The following C1R variants were observed in gnomAD, a reference collection of about 807,000 sequenced individuals.
C1R encodes the protein complement C1r subcomponent.
Under a neutral mutation model 27.6 loss-of-function variants are expected in C1R, and 15 were observed. The observed-to-expected ratio is 0.54, with a 90% CI of 0.36 to 0.84. The LOEUF (loss-of-function observed/expected upper bound fraction) is 0.84. C1R is among the 40% of genes least tolerant of loss of function. C1R has a pLI of 0.01. For synonymous variants in C1R, 253 were observed against 228.8 expected, an observed-to-expected ratio of 1.11 and a Z score of -0.95; for missense variants, 544 against 577.9, an observed-to-expected ratio of 0.94 and a Z score of 0.60.
rs938868013 is a variant in C1R, at chr12:7,089,046, G to A, written c.769-60C>T. 80 of 668,046 alleles carry A rather than the reference G, an allele frequency of 1.2e-4. No individual in the cohort carries two copies. The African/African-American group carries it at 1.3e-3, about 11-fold the overall frequency. The allele number at this position is 668,046 out of a possible 1,614,324, so 41.4% of individuals were successfully genotyped here. On this transcript the variant is annotated intron_variant, in intron 5 of 10. Coordinates refer to ENST00000647956, the MANE Select transcript of C1R (RefSeq NM_001733.7). Reference sequence around the variant, plus strand: ...GGACGTTTTTACACAGGGCCAACTGGGTAGTAGCCTGGTGGCCAGGGTGGT... The same window carrying A: ...GGACGTTTTTACACAGGGCCAACTGAGTAGTAGCCTGGTGGCCAGGGTGGT...
chr12:7,082,592 A>G (rs1399390910), intron 9 of C1R, among the ~76,000 whole-genome samples: 3 of 152,124 alleles, frequency 2.0e-5, no homozygotes, highest in Admixed American at 6.5e-5. Flanking sequence ...CGGTCTCCCA[A>G]AGTGCTGGGA....
At position 7,080,694 on chromosome 12, in the gene C1R, C is replaced by T. The variant is rs755442274; in HGVS notation, c.1956G>A (p.Gly652=). 3 of 1,613,968 alleles carry T rather than the reference C, an allele frequency of 1.9e-6. No individual in the cohort carries two copies. In the South Asian group the frequency reaches 3.3e-5, roughly 18 times the overall value. The change falls in exon 11 of 11, where the codon GGG becomes GGA. Residue 652 remains glycine (G), a synonymous_variant. Transcript: ENST00000647956. This position sits in a 1 kb window ranked among gnomAD's most constrained non-coding sequence, Gnocchi z 4.9. ...HPSLKQDACQ[G]DSGGVFAVRD... ...TTACTGCAAAAACGCCCCCACTATC[C>T]CCCTGGCAGGCGTCCTGCTTTAGAG...
At position 7,089,588 on chromosome 12, in the gene C1R, C is replaced by G. The variant is rs1170978607; in HGVS notation, c.570G>C (p.Gln190His). The G allele has an allele frequency of 1.3e-6, 1 of 780,928 alleles. No individual in the cohort carries two copies. The highest frequency in any genetic ancestry group is 2.4e-6 in the Non-Finnish European group (1 of 417,998). The allele number at this position is 780,928 out of a possible 1,614,324, so 48.4% of individuals were successfully genotyped here. A position where few individuals can be genotyped will look rare whatever the true frequency, so the allele number is the denominator to read the frequency against. ...CTCTGCTACACCACTCTGGCTCACC[C>G]TGGCAGGAATGCCTGTCTTCCTGAA... is the stretch of plus-strand genomic sequence containing the variant. ...YELQEDRHSC[Q>H]AECSSELYTE... is the part of the protein sequence containing the mutation. Residue 190 changes from glutamine (Q) to histidine (H), a missense_variant and splice_region_variant, in exon 4 of 11, where the codon CAG becomes CAC. By Grantham distance (24) the Gln-to-His change is conservative. Transcript: ENST00000647956.
At chr12:7,081,875 C>G (rs1430115190) in intron 10 of C1R, among the ~76,000 whole-genome samples, 157 bp downstream of exon 10, 2 of 152,208 alleles carry the variant, frequency 1.3e-5, no homozygotes, top group African/African-American at 4.8e-5. Context: ...AAAATGGCAG[C>G]ATTTCGGGAC....
Position 7,080,269 on chromosome 12 carries a change from A to G in C1R, c.*263T>C. On this transcript the variant is annotated 3_prime_UTR_variant, in exon 11 of 11. Transcript: ENST00000647956. The surrounding 1 kb of genome is among the most constrained non-coding windows in gnomAD (Gnocchi z 4.9). ...GGAAAAAGTTATATTCAATGACCCA[A>G]TGGTATCAAAGTGGAAGAGGAAAGT... 2 of 1,159,906 alleles carry G rather than the reference A, an allele frequency of 1.7e-6. No homozygotes were observed. Among genetic ancestry groups the G allele is most frequent in the South Asian group, 4.1e-5 (1 of 24,234 alleles). 71.9% of individuals were successfully genotyped at this position (1,159,906 alleles called of 1,614,324 possible).
At chr12:7,085,598 G>A (rs1591588633) in intron 9 of C1R, among the ~76,000 whole-genome samples, 1 of 152,034 alleles carries the variant, frequency 6.6e-6, no homozygotes. Context: ...AGCAATGGGG[G>A]TGTGGTGGAG....
At chr12:7,081,516 G>C (rs1326483903) in intron 10 of C1R, among the ~76,000 whole-genome samples, 3 of 144,920 alleles carry the variant, frequency 2.1e-5, no homozygotes, top group African/African-American at 7.7e-5. Flanking sequence ...TATTTTTTGA[G>C]ACTCCTTGCT....
rs777502840 is a variant in C1R, at chr12:7,081,167, G to C, written c.1483C>G (p.Arg495Gly). 6.2e-7 allele frequency: 1 copy of C among 1,613,936 alleles called. No homozygotes were observed. The change falls in exon 11 of 11, where the codon CGC becomes GGC. Residue 495 changes from arginine to glycine, a missense_variant. By Grantham distance (125) the Arg-to-Gly change is moderately radical (BLOSUM62 -2). This residue lies in a region of C1R where 253 missense variants were observed against 368.9 expected (regional missense o/e 0.69). Coordinates refer to ENST00000647956, the MANE Select transcript of C1R (RefSeq NM_001733.7). Reference sequence around the variant, plus strand: ...GTGTGGGCAGCTGTGAGGATCCAGCGGTCGCCCAGCAGGGCCCCGCCCCCG... The same window carrying C: ...GTGTGGGCAGCTGTGAGGATCCAGCCGTCGCCCAGCAGGGCCCCGCCCCCG... Reference protein sequence around the residue: ...GRGGGALLGDRWILTAAHTLY... With the variant: ...GRGGGALLGDGWILTAAHTLY...
At chr12:7,085,692 CCTT>C (rs1938145590) in intron 9 of C1R, among the ~76,000 whole-genome samples, 166 bp downstream of exon 9, 1 of 152,048 alleles carries the variant, frequency 6.6e-6, no homozygotes, top group Non-Finnish European at 1.5e-5. Context: ...TCAGATGCCT[CCTT>C]CTTCAAACCT....
At chr12:7,084,805 G>A (rs1485053464) in intron 9 of C1R, among the ~76,000 whole-genome samples, 1 of 129,306 alleles carries the variant, frequency 7.7e-6, no homozygotes, top group Non-Finnish European at 1.6e-5. Flanking sequence ...TGGTGATAAT[G>A]AGAGTGGTGA....
In C1R at chr12:7,090,464, C is replaced by T. The variant is rs372180279; in HGVS notation, c.232-216G>A. The stretch of plus-strand genomic sequence containing the variant: ...ACTGACTCACTCTTTGCGTGTTGTC[C>T]TGGACTGGGTACCTCACCCTTTCCC... On this transcript the variant is annotated intron_variant, in intron 2 of 10. Coordinates refer to ENST00000647956, the MANE Select transcript of C1R (RefSeq NM_001733.7). 36 of 570,864 alleles carry T rather than the reference C, an allele frequency of 6.3e-5. No individual in the cohort carries two copies. In the East Asian group the frequency reaches 7.2e-4, roughly 11 times the overall value. The allele number at this position is 570,864 out of a possible 1,614,324, so 35.4% of individuals were successfully genotyped here.
intron 7 of C1R, 129 bp from the exon 8 acceptor site, chr12:7,086,586 C>G (rs1485954583): frequency 1.0e-5 from 4 of 391,216 alleles, no homozygotes; most frequent in Admixed American, 4.5e-5. Flanking sequence ...GTGGCTCCCC[C>G]ATGGATGTGG....
rs767238087 is a variant in C1R at position 7,089,575 on chromosome 12, A to G, written c.571+12T>C. 105 of 780,646 alleles carry G rather than the reference A, an allele frequency of 1.3e-4. 3 individuals are homozygous for G. In the South Asian group the frequency reaches 1.4e-3, roughly 10 times the overall value. 48.4% of individuals were successfully genotyped at this position (780,646 alleles called of 1,614,324 possible). ...TCAACCCCTTCCCCTCTGCTACACC[A>G]CTCTGGCTCACCCTGGCAGGAATGC... On this transcript the variant is annotated intron_variant, in intron 4 of 10. Transcript: ENST00000647956.
At position 7,088,966 on chromosome 12, in the gene C1R, G is replaced by A. The variant is rs767840568; in HGVS notation, c.789C>T (p.Asn263=). ...DQLQIYANGK[N]IGEFCGKQRP... Reference sequence around the variant, plus strand: ...TTTGCTTCCCACAGAACTCGCCAATGTTCTTCCCGTTGGCATAGATCTAGT... The same window carrying A: ...TTTGCTTCCCACAGAACTCGCCAATATTCTTCCCGTTGGCATAGATCTAGT... Residue 263 remains asparagine (N), a synonymous_variant, in exon 6 of 11, where the codon AAC becomes AAT. Coordinates refer to ENST00000647956, the MANE Select transcript of C1R (RefSeq NM_001733.7). 9 of 748,310 alleles carry A rather than the reference G, an allele frequency of 1.2e-5. No individual in the cohort carries two copies. Among genetic ancestry groups the A allele is most frequent in the Non-Finnish European group, 2.0e-5 (8 of 402,534 alleles). 46.4% of individuals were successfully genotyped at this position (748,310 alleles called of 1,614,324 possible). A position where few individuals can be genotyped will look rare whatever the true frequency, so the allele number is the denominator to read the frequency against.
chr12:7,086,374 C>T lies in C1R; in HGVS notation c.1117+5G>A. The T allele has an allele frequency of 2.5e-6, 1 of 398,672 alleles. No individual in the cohort carries two copies. The highest frequency in any genetic ancestry group is 2.1e-5 in the African/African-American group (1 of 48,742). The allele number at this position is 398,672 out of a possible 1,614,324, so 24.7% of individuals were successfully genotyped here. A position where few individuals can be genotyped will look rare whatever the true frequency, so the allele number is the denominator to read the frequency against. ...CCAGGGTCATATCCCTGAATTGTGA[C>T]TTACTCTTGCATCTGGGCATGGCAC... On this transcript the variant is annotated splice_donor_5th_base_variant and intron_variant, in intron 8 of 10. Transcript: ENST00000647956.
At chr12:7,082,461 A>G (rs1479912662) in intron 9 of C1R, among the ~76,000 whole-genome samples, 1 of 152,014 alleles carries the variant, frequency 6.6e-6, no homozygotes, top group Non-Finnish European at 1.5e-5. Flanking sequence ...CCTCCCAAGT[A>G]GCTGGGACTA....
At chr12:7,084,755 G>GTGAT (rs1191490715) in intron 9 of C1R, among the ~76,000 whole-genome samples, 1 of 150,660 alleles carries the variant, frequency 6.6e-6, no homozygotes, top group East Asian at 1.9e-4. Context: ...GTTGGTAATG[G>GTGAT]TGATGGTGGT....
At chr12:7,089,014 TC>T in intron 5 of C1R, 28 bp from the exon 6 acceptor site, 1 of 702,360 alleles carries the variant, frequency 1.4e-6, no homozygotes, top group South Asian at 1.6e-5. Context: ...TTTTTTTTTT[TC>T]AGCTTGGACG....
intron 5 of C1R, 84 bp downstream of exon 5, chr12:7,089,209 G>A (rs1938208972): frequency 2.8e-6 from 2 of 712,720 alleles, no homozygotes; most frequent in Admixed American, 4.0e-5. Flanking sequence ...GCTGGCCAGG[G>A]GATCCAGGAG....
Sources: allele counts gnomAD v4.1 joint callset (sites outside exome capture counted in the v4.1 genomes callset), GRCh38; gene constraint gnomAD v4.1.1; regional missense constraint gnomAD v4.1.1; non-coding constraint Gnocchi (gnomAD v3.1); transcripts MANE v1.5; gene names NCBI Gene and HGNC (gene_info 2026-07-23, HGNC 2026-07-21).